The following PCDH15 variants were observed in gnomAD, a reference collection of about 807,000 sequenced individuals.
PCDH15 encodes the protein protocadherin related 15, also known as protocadherin-15.
In PCDH15, 129 loss-of-function variants were observed where a neutral mutation model predicts 178.5. The ratio of observed to expected loss-of-function variants is 0.72; its 90% CI spans 0.63 to 0.84. PCDH15 has a LOEUF of 0.84. Among genes scored for constraint, PCDH15 ranks in the 40% least tolerant of loss-of-function variants. The pLI is 0.00. For synonymous variants in PCDH15, 800 were observed against 732.0 expected, an observed-to-expected ratio of 1.09 and a Z score of -1.50; for missense variants, 2,230 against 2,099.9, an observed-to-expected ratio of 1.06 and a Z score of -1.21.
intron 3 of PCDH15, among the ~76,000 whole-genome samples, chr10:54,384,735 A>C (rs544470397): frequency 6.6e-6 from 1 of 152,206 alleles, no homozygotes; most frequent in South Asian, 2.1e-4. Context: ...TTTTTCCCTT[A>C]GTTTTTCAGT....
At chr10:55,104,297 T>C (rs935659113) in intron 2 of PCDH15, among the ~76,000 whole-genome samples, 6 of 152,168 alleles carry the variant, frequency 3.9e-5, no homozygotes, top group African/African-American at 1.4e-4. Flanking sequence ...TGGGAACTTG[T>C]CTGCTGCGTC....
chr10:54,516,450 A>G (rs947914002), intron 3 of PCDH15, among the ~76,000 whole-genome samples: 2 of 152,088 alleles, frequency 1.3e-5, no homozygotes, highest in African/African-American at 4.8e-5. Flanking sequence ...AACTGGAAGA[A>G]AGGGTATCAG....
intron 26 of PCDH15, among the ~76,000 whole-genome samples, chr10:53,869,525 T>A (rs1222052704): frequency 6.6e-6 from 1 of 152,198 alleles, no homozygotes; most frequent in Non-Finnish European, 1.5e-5. Context: ...GAAACAAACT[T>A]TTTATTATTA....
Position 54,963,665 on chromosome 10 carries a change from T to A in PCDH15, c.-79-66165A>T, listed in dbSNP as rs78690478. ...TATCACCAGCCACCATTTTGCAAGA[T>A]CCTAACCTGGTTATTTTGCTAGAAC... is the stretch of plus-strand genomic sequence containing the variant. On this transcript the variant is annotated intron_variant, in intron 2 of 5. Coordinates refer to the PCDH15 transcript ENST00000458638. Among the ~76,000 whole-genome samples the A allele has an allele frequency of 6.4e-3, 980 of 152,336 alleles. 12 individuals carry two copies. Among genetic ancestry groups the A allele is most frequent in the African/African-American group, 0.022 (934 of 41,572 alleles).
At chr10:54,406,057 C>T (rs73236794) in intron 3 of PCDH15, among the ~76,000 whole-genome samples, 2,924 of 152,050 alleles carry the variant, frequency 0.019, 99 homozygotes, top group African/African-American at 0.065. Flanking sequence ...GAATTAAAGG[C>T]AGACATCCAA....
intron 1 of PCDH15, among the ~76,000 whole-genome samples, chr10:54,779,516 A>ATATATATATACACACATATATGTGTGTG (rs1566223765): frequency 1.4e-5 from 2 of 140,598 alleles, no homozygotes; most frequent in East Asian, 2.2e-4. Context: ...ATATGTGTGT[A>ATATATATATACACACATATATGTGTGTG]TATATATATA....
At chr10:55,391,110 G>A (rs564238606) in intron 2 of PCDH15, among the ~76,000 whole-genome samples, 4 of 152,218 alleles carry the variant, frequency 2.6e-5, no homozygotes, top group African/African-American at 7.2e-5. Context: ...ATACAAGACC[G>A]TTTTGTCTAC....
At chr10:55,455,666 C>G (rs989347594) in intron 2 of PCDH15, among the ~76,000 whole-genome samples, 1 of 151,988 alleles carries the variant, frequency 6.6e-6, no homozygotes, top group Non-Finnish European at 1.5e-5. Flanking sequence ...GAATAACATA[C>G]TCTAATTCAC....
intron 1 of PCDH15, among the ~76,000 whole-genome samples, chr10:55,253,262 G>A (rs929525925): frequency 3.4e-4 from 52 of 151,792 alleles, no homozygotes; most frequent in Non-Finnish European, 6.2e-4. Context: ...GTGTGTGTGT[G>A]TGTGTGTGCA....
At chr10:55,258,779 T>TTTTTA (rs1554846343) in intron 1 of PCDH15, among the ~76,000 whole-genome samples, 1 of 149,746 alleles carries the variant, frequency 6.7e-6, no homozygotes, top group Admixed American at 6.7e-5. Context: ...TTTTTTTTTT[T>TTTTTA]AATAAACAGA....
At position 54,484,290 on chromosome 10, in the gene PCDH15, T is replaced by G. The variant is rs549984463; in HGVS notation, c.157+43522A>C. 5.3e-5 allele frequency among the ~76,000 whole-genome samples: 8 copies of G among 152,014 alleles called. No individual in the cohort carries two copies. The South Asian group carries it at 1.7e-3, about 31-fold the overall frequency. ...TGTGTGAAGTTCTGAATATCCTTTT[T>G]TTGAGCATAAAGCAAGGACATGGCT... On this transcript the variant is annotated intron_variant, in intron 3 of 37. Coordinates refer to ENST00000644397, the MANE Select transcript of PCDH15 (RefSeq NM_001384140.1).
At chr10:55,483,999 A>G (rs1015866189) in intron 2 of PCDH15, among the ~76,000 whole-genome samples, 1 of 151,826 alleles carries the variant, frequency 6.6e-6, no homozygotes, top group Non-Finnish European at 1.5e-5. Context: ...TGTCCTTTGC[A>G]GGAACATGGA....
intron 3 of PCDH15, among the ~76,000 whole-genome samples, chr10:54,469,490 G>T (rs547322904): frequency 3.9e-4 from 60 of 152,092 alleles, no homozygotes; most frequent in Non-Finnish European, 7.5e-4. Context: ...ATATGTGAGG[G>T]CTTAGTCACA....
At chr10:55,010,583 G>C (rs1046352452) in intron 2 of PCDH15, among the ~76,000 whole-genome samples, 3 of 152,118 alleles carry the variant, frequency 2.0e-5, no homozygotes, top group Non-Finnish European at 4.4e-5. Context: ...CATTCAGGCT[G>C]AGGTGGCAAC....
intron 23 of PCDH15, among the ~76,000 whole-genome samples, chr10:53,950,040 T>G (rs2086891025): frequency 1.3e-5 from 2 of 152,142 alleles, no homozygotes; most frequent in South Asian, 4.1e-4. Context: ...ATTACAAAAC[T>G]AATTCGTATG....
intron 3 of PCDH15, among the ~76,000 whole-genome samples, chr10:54,472,039 AAAG>A (rs2077954902): frequency 6.6e-6 from 1 of 152,134 alleles, no homozygotes; most frequent in Non-Finnish European, 1.5e-5. Flanking sequence ...TTCCAAATAT[AAAG>A]AAATAGGGGG....
chr10:54,482,982 A>G (rs1400517342), intron 3 of PCDH15, among the ~76,000 whole-genome samples: 2 of 151,834 alleles, frequency 1.3e-5, no homozygotes, highest in South Asian at 2.1e-4. Context: ...TCTACCAGCT[A>G]TCAGAAACAA....
At chr10:55,426,723 ATGAAT>A (rs1478910269) in intron 2 of PCDH15, among the ~76,000 whole-genome samples, 1 of 152,138 alleles carries the variant, frequency 6.6e-6, no homozygotes, top group African/African-American at 2.4e-5. Flanking sequence ...GGTCTCATGA[ATGAAT>A]TGAAGGATGG....
At chr10:55,370,982 G>T (rs1352588912) in intron 2 of PCDH15, among the ~76,000 whole-genome samples, 1 of 152,094 alleles carries the variant, frequency 6.6e-6, no homozygotes, top group African/African-American at 2.4e-5. Context: ...ACAGAGAAAA[G>T]CTAGTAGCTC....
Sources: allele counts gnomAD v4.1 joint callset (sites outside exome capture counted in the v4.1 genomes callset), GRCh38; gene constraint gnomAD v4.1.1; transcripts MANE v1.5; gene names NCBI Gene and HGNC (gene_info 2026-07-23, HGNC 2026-07-21).